GUCA1A: variants seen among roughly 807,000 people sequenced by gnomAD.
GUCA1A encodes the protein guanylate cyclase activator 1A.
A neutral mutation model predicts 18.5 loss-of-function variants in GUCA1A; 14 were observed. That is an observed-to-expected ratio of 0.76 (90% CI 0.50 to 1.18). GUCA1A has a LOEUF of 1.18. Ranked by LOEUF, GUCA1A falls within the 50% of genes most tolerant of loss-of-function variation. The pLI is 0.00. For missense variants in GUCA1A, 264 were observed against 262.4 expected (o/e 1.01, Z -0.04); for synonymous variants, 97 against 100.2 (o/e 0.97, Z 0.19).
chr6:42,173,911 A>G, intron 1 of GUCA1A, 97 bp downstream of exon 1: 1 of 905,628 alleles, frequency 1.1e-6, no homozygotes, highest in South Asian at 1.4e-5. Flanking sequence ...AGGAGCATAG[A>G]AGTGTCCGCT....
chr6:42,178,271 C>T lies in GUCA1A; in HGVS notation c.202-9C>T, dbSNP rs1179111988. 7 of 1,613,274 alleles carry T rather than the reference C, an allele frequency of 4.3e-6. No individual in the cohort carries two copies. Among genetic ancestry groups the T allele is most frequent in the East Asian group, 2.2e-5 (1 of 44,866 alleles). On this transcript the variant is annotated splice_polypyrimidine_tract_variant and intron_variant, in intron 1 of 3. Coordinates refer to ENST00000372958, the MANE Select transcript of GUCA1A (RefSeq NM_001384910.1). Reference sequence around the variant, plus strand: ...GGATGGGCTCACGGCGGCCGCGCCCCTCGCCCAGGACGGCTACATTGATTT... The same window carrying T: ...GGATGGGCTCACGGCGGCCGCGCCCTTCGCCCAGGACGGCTACATTGATTT...
chr6:42,178,141 T>C, intron 1 of GUCA1A, 139 bp from the exon 2 acceptor site: 1 of 992,332 alleles, frequency 1.0e-6, no homozygotes, highest in Non-Finnish European at 1.6e-6. Context: ...CCTCGCTGCA[T>C]CTCCGAGGGT....
intron 2 of GUCA1A, 42 bp from the exon 3 acceptor site, chr6:42,178,760 A>G: frequency 7.0e-7 from 1 of 1,423,110 alleles, no homozygotes; most frequent in Non-Finnish European, 9.9e-7. Flanking sequence ...GAGATAGGAT[A>G]AGGATGGGCC....
chr6:42,179,809 T>G lies in GUCA1A; in HGVS notation c.*406T>G, dbSNP rs957375088. 2 of 159,110 alleles carry G rather than the reference T, an allele frequency of 1.3e-5. No individual in the cohort carries two copies. Among genetic ancestry groups the G allele is most frequent in the Non-Finnish European group, 2.7e-5 (2 of 72,858 alleles). 9.9% of individuals were successfully genotyped at this position (159,110 alleles called of 1,614,324 possible). A position where few individuals can be genotyped will look rare whatever the true frequency, so the allele number is the denominator to read the frequency against. On this transcript the variant is annotated 3_prime_UTR_variant, in exon 4 of 4. Transcript: ENST00000372958. ...CTCTTATGGAATCCTGCAGATCCAGTGGCTGCAGCTTCAATCCCAGTGCTG... is the reference window on the plus strand; with the variant it reads ...CTCTTATGGAATCCTGCAGATCCAGGGGCTGCAGCTTCAATCCCAGTGCTG...
At chr6:42,178,456 G>C in intron 2 of GUCA1A, 27 bp downstream of exon 2, 1 of 1,606,666 alleles carries the variant, frequency 6.2e-7, no homozygotes, top group African/African-American at 1.3e-5. Flanking sequence ...CAGGGCTGGG[G>C]GCAGCGGTCT....
chr6:42,173,888 AG>A, intron 1 of GUCA1A, 74 bp downstream of exon 1: 1 of 1,104,240 alleles, frequency 9.1e-7, no homozygotes. Context: ...GCTGGGGGTG[AG>A]GAAGAGCAGA....
Position 42,178,340 on chromosome 6 carries a change from G to A in GUCA1A, c.262G>A (p.Val88Met). 6.2e-7 allele frequency: 1 copy of A among 1,614,108 alleles called. No homozygotes were observed. The highest frequency in any genetic ancestry group is 1.3e-5 in the African/African-American group (1 of 75,048). ...GCTCAGCTTGGTCCTCAAGGGGAAG[G>A]TGGAACAGAAGCTCCGCTGGTACTT... ...AALSLVLKGK[V>M]EQKLRWYFKL... Residue 88 changes from valine to methionine, a missense_variant, in exon 2 of 4, where the codon GTG becomes ATG. Physicochemically the swap from Val to Met is conservative, Grantham distance 21. Coordinates refer to ENST00000372958, the MANE Select transcript of GUCA1A (RefSeq NM_001384910.1).
In GUCA1A at chr6:42,173,779, G is replaced by A. The variant is rs759101140; in HGVS notation, c.166G>A (p.Val56Met). The A allele has an allele frequency of 4.6e-5, 75 of 1,613,958 alleles. No homozygotes were observed. The highest frequency in any genetic ancestry group is 5.4e-5 in the Non-Finnish European group (64 of 1,179,956). The stretch of plus-strand genomic sequence containing the variant: ...CCTGAGCCCGTCGGCCAGCCAGTAC[G>A]TGGAACAGATGTTTGAGACTTTTGA... ...KNLSPSASQYVEQMFETFDFN... is the reference protein window; with the variant it reads ...KNLSPSASQYMEQMFETFDFN... Residue 56 changes from valine to methionine, a missense_variant, in exon 1 of 4, where the codon GTG (valine) becomes ATG (methionine). Coordinates refer to ENST00000372958, the MANE Select transcript of GUCA1A (RefSeq NM_001384910.1).
intron 3 of GUCA1A, 123 bp downstream of exon 3, chr6:42,179,018 G>A (rs1026117712): frequency 1.1e-6 from 1 of 919,820 alleles, no homozygotes; most frequent in African/African-American, 1.6e-5. Context: ...CCCCCGTGCT[G>A]GTCACTTCCT....
intron 3 of GUCA1A, 131 bp downstream of exon 3, chr6:42,179,026 C>T (rs1208424285): frequency 9.2e-6 from 8 of 870,298 alleles, no homozygotes; most frequent in Non-Finnish European, 1.5e-5. Flanking sequence ...CTGGTCACTT[C>T]CTCCACCTGC....
Position 42,173,740 on chromosome 6 carries a change from T to C in GUCA1A, c.127T>C (p.Phe43Leu). ...QLTLYEFRQF[F>L]GLKNLSPSAS... ...CACCCTCTATGAGTTCCGCCAGTTC[T>C]TCGGCCTCAAGAACCTGAGCCCGTC... Residue 43 changes from phenylalanine (F) to leucine (L), a missense_variant, in exon 1 of 4, where the codon TTC becomes CTC. By Grantham distance (22) the Phe-to-Leu change is conservative. Transcript: ENST00000372958. 1 of 1,614,186 alleles carries C rather than the reference T, an allele frequency of 6.2e-7. No individual in the cohort carries two copies. Among genetic ancestry groups the C allele is most frequent in the Non-Finnish European group, 8.5e-7 (1 of 1,180,002 alleles).
intron 1 of GUCA1A, among the ~76,000 whole-genome samples, chr6:42,174,671 T>A (rs1452922423): frequency 6.6e-6 from 1 of 152,204 alleles, no homozygotes; most frequent in Non-Finnish European, 1.5e-5. Context: ...CATGATGCCG[T>A]GGATGTTGGG....
At chr6:42,175,353 C>CTTTTT (rs10559617) in intron 1 of GUCA1A, among the ~76,000 whole-genome samples, 114 of 63,920 alleles carry the variant, frequency 1.8e-3, no homozygotes, top group South Asian at 2.9e-3. Flanking sequence ...CTAATCATGT[C>CTTTTT]TTTTTTTTTT....
In GUCA1A at chr6:42,173,783, A is replaced by C; in HGVS notation, c.170A>C (p.Glu57Ala). 6.8e-6 allele frequency: 11 copies of C among 1,614,080 alleles called. No homozygotes were observed. Among genetic ancestry groups the C allele is most frequent in the Non-Finnish European group, 8.5e-6 (10 of 1,179,952 alleles). Residue 57 changes from glutamate to alanine, a missense_variant, in exon 1 of 4, where the codon GAA becomes GCA. By Grantham distance (107) the Glu-to-Ala change is moderately radical (BLOSUM62 -1). Coordinates refer to ENST00000372958, the MANE Select transcript of GUCA1A (RefSeq NM_001384910.1). ...AGCCCGTCGGCCAGCCAGTACGTGG[A>C]ACAGATGTTTGAGACTTTTGACTTC... Reference protein sequence around the residue: ...NLSPSASQYVEQMFETFDFNK... With the variant: ...NLSPSASQYVAQMFETFDFNK...
At chr6:42,174,525 A>G (rs1180007646) in intron 1 of GUCA1A, among the ~76,000 whole-genome samples, 1 of 152,208 alleles carries the variant, frequency 6.6e-6, no homozygotes, top group Non-Finnish European at 1.5e-5. Context: ...ACCTGGACGC[A>G]TTAGGTAAGG....
At position 42,179,941 on chromosome 6, in the gene GUCA1A, T is replaced by C. The variant is rs1768075566; in HGVS notation, c.*538T>C. 1 of 152,562 alleles carries C rather than the reference T, an allele frequency of 6.6e-6. No homozygotes were observed. The highest frequency in any genetic ancestry group is 1.5e-5 in the Non-Finnish European group (1 of 68,304). 9.5% of individuals were successfully genotyped at this position (152,562 alleles called of 1,614,324 possible). ...ACAAGCATTTACTGAGCGCCTACTA[T>C]GTACTAATGCTAGATGTTAGATGTA... is the stretch of plus-strand genomic sequence containing the variant. On this transcript the variant is annotated 3_prime_UTR_variant, in exon 4 of 4. Coordinates refer to ENST00000372958, the MANE Select transcript of GUCA1A (RefSeq NM_001384910.1).
intron 1 of GUCA1A, among the ~76,000 whole-genome samples, chr6:42,174,340 G>T (rs1286804344): frequency 6.6e-6 from 1 of 152,224 alleles, no homozygotes; most frequent in Non-Finnish European, 1.5e-5. Flanking sequence ...TGTCTGGCAT[G>T]GGCAGGCCAC....
chr6:42,178,493 A>T (rs555373176), intron 2 of GUCA1A, 64 bp downstream of exon 2: 2 of 1,418,398 alleles, frequency 1.4e-6, no homozygotes, highest in African/African-American at 2.8e-5. Context: ...CTGAGAGCCC[A>T]GGGTTAGAAC....
intron 1 of GUCA1A, among the ~76,000 whole-genome samples, chr6:42,176,749 G>A (rs1013480396): frequency 6.6e-6 from 1 of 152,136 alleles, no homozygotes; most frequent in African/African-American, 2.4e-5. Context: ...TTTTGATACA[G>A]AGAGGAGTTA....
Sources: gnomAD v4.1 joint callset for allele counts (sites outside exome capture counted in the v4.1 genomes callset) on GRCh38, gnomAD v4.1.1 for gene constraint, MANE v1.5 for transcripts, NCBI Gene and HGNC (gene_info 2026-07-23, HGNC 2026-07-21) for gene names.